The following RNLS variants were observed in gnomAD, a reference collection of about 807,000 sequenced individuals.
RNLS encodes renalase.
A neutral mutation model predicts 39.8 loss-of-function variants in RNLS; 39 were observed. That is an observed-to-expected ratio of 0.98 (90% CI 0.76 to 1.28). RNLS has a LOEUF of 1.28. Ranked by LOEUF, RNLS falls within the 50% of genes most tolerant of loss-of-function variation. RNLS has a pLI of 0.00. For synonymous variants in RNLS, 147 were observed against 150.7 expected, an observed-to-expected ratio of 0.98 and a Z score of 0.18; for missense variants, 410 against 413.3, an observed-to-expected ratio of 0.99 and a Z score of 0.07.
chr10:88,445,271 GA>G (rs1486499449), intron 4 of RNLS, among the ~76,000 whole-genome samples: 11 of 152,308 alleles, frequency 7.2e-5, no homozygotes, highest in African/African-American at 2.6e-4. Context: ...CAAATGCTGA[GA>G]GACTCTGTTA....
chr10:88,235,200 G>T, the RNLS span, among the ~76,000 whole-genome samples: 1 of 149,920 alleles, frequency 6.7e-6, no homozygotes, highest in South Asian at 2.1e-4. Flanking sequence ...CGCGGGAGGT[G>T]GAGCTTGCAG....
At chr10:88,330,753 A>G (rs1847056905) in intron 5 of RNLS, among the ~76,000 whole-genome samples, 1 of 152,270 alleles carries the variant, frequency 6.6e-6, no homozygotes, top group East Asian at 1.9e-4. Flanking sequence ...TAATTATGCA[A>G]CATCCTTTAC....
At chr10:88,557,679 G>C (rs889035079) in intron 4 of RNLS, among the ~76,000 whole-genome samples, 1 of 152,040 alleles carries the variant, frequency 6.6e-6, no homozygotes, top group Non-Finnish European at 1.5e-5. Flanking sequence ...AAAATTAGTA[G>C]TTGATTGTGG....
chr10:88,569,760 G>GC (rs1440731710), intron 4 of RNLS, among the ~76,000 whole-genome samples: 1 of 152,120 alleles, frequency 6.6e-6, no homozygotes, highest in Non-Finnish European at 1.5e-5. Context: ...CAACTGGCTA[G>GC]CCAGATGAAC....
chr10:88,211,159 T>A, the RNLS span, among the ~76,000 whole-genome samples: 1 of 152,164 alleles, frequency 6.6e-6, no homozygotes, highest in South Asian at 2.1e-4. Flanking sequence ...CATCGTCCCA[T>A]GTTTTGTCAC....
At chr10:88,244,963 G>C in the RNLS span, among the ~76,000 whole-genome samples, 2 of 152,168 alleles carry the variant, frequency 1.3e-5, no homozygotes, top group Non-Finnish European at 2.9e-5. Context: ...ATTTCAAGTT[G>C]AGTTGTGGTT....
In RNLS at chr10:88,510,588, A is replaced by C. The variant is rs11202760; in HGVS notation, c.526+62315T>G. 1.9e-4 allele frequency among the ~76,000 whole-genome samples: 29 copies of C among 152,202 alleles called. No individual in the cohort carries two copies. The East Asian group carries it at 3.3e-3, about 17-fold the overall frequency. ...GATAAGTAATAGTTAATATTTTATT[A>C]AGGGTTTACACTTTGGGAGGCCGAG... On this transcript the variant is annotated intron_variant, in intron 4 of 6. Coordinates refer to ENST00000331772, the MANE Select transcript of RNLS (RefSeq NM_001031709.3).
the RNLS span, among the ~76,000 whole-genome samples, chr10:88,179,390 A>C: frequency 6.6e-6 from 1 of 152,202 alleles, no homozygotes; most frequent in Admixed American, 6.5e-5. Context: ...AGCTTCTTGC[A>C]CTCTTGGTAA....
intron 4 of RNLS, among the ~76,000 whole-genome samples, chr10:88,383,924 T>C (rs953716562): frequency 1.3e-5 from 2 of 152,122 alleles, no homozygotes; most frequent in African/African-American, 4.8e-5. Context: ...AGCACTAACT[T>C]TGAACCCCAA....
intron 4 of RNLS, among the ~76,000 whole-genome samples, chr10:88,467,835 C>T (rs1056600010): frequency 2.0e-5 from 3 of 152,114 alleles, no homozygotes; most frequent in Admixed American, 6.6e-5. Flanking sequence ...ATCAGCAACA[C>T]GTGGAGGCTT....
At position 88,373,062 on chromosome 10, in the gene RNLS, A is replaced by C. The variant is rs1850691100; in HGVS notation, c.527-10337T>G. Among the ~76,000 whole-genome samples, 6 of 152,222 alleles carry C rather than the reference A, an allele frequency of 3.9e-5. No individual in the cohort carries two copies. The South Asian group carries it at 1.2e-3, about 31-fold the overall frequency. On this transcript the variant is annotated intron_variant, in intron 4 of 6. Coordinates refer to ENST00000331772, the MANE Select transcript of RNLS (RefSeq NM_001031709.3). ...GCCACTCTTCCCAGCCTATCCATCT[A>C]ATTACTTTATGGCCATGCCATTCAT... is the stretch of plus-strand genomic sequence containing the variant.
At chr10:88,397,601 GA>G (rs911092211) in intron 4 of RNLS, among the ~76,000 whole-genome samples, 6 of 149,922 alleles carry the variant, frequency 4.0e-5, no homozygotes, top group African/African-American at 9.8e-5. Flanking sequence ...GAAAGCAGAA[GA>G]AAAAAAATAA....
intron 5 of RNLS, among the ~76,000 whole-genome samples, chr10:88,324,761 T>C (rs190824877): frequency 7.1e-4 from 108 of 152,300 alleles, no homozygotes; most frequent in Admixed American, 1.4e-3. Context: ...AACTTTTTCA[T>C]CTTCCTAAAC....
At chr10:88,274,706 C>A in exon 7 of RNLS, 1 of 371,464 alleles carries the variant, frequency 2.7e-6, no homozygotes, top group Non-Finnish European at 5.1e-6. Flanking sequence ...GGATAGATAT[C>A]CAGATGTGGA....
At chr10:88,267,513 C>T in the RNLS span, among the ~76,000 whole-genome samples, 4 of 152,088 alleles carry the variant, frequency 2.6e-5, no homozygotes, top group Non-Finnish European at 4.4e-5. Flanking sequence ...GATTTCAAGG[C>T]GCAGTGAGCT....
At chr10:88,353,873 G>T (rs1309440536) in intron 5 of RNLS, among the ~76,000 whole-genome samples, 3 of 152,182 alleles carry the variant, frequency 2.0e-5, no homozygotes, top group Non-Finnish European at 4.4e-5. Flanking sequence ...CTAAGGACTT[G>T]CTTTATGAAT....
In RNLS at chr10:88,553,810, G is replaced by A. The variant is rs1590005342; in HGVS notation, c.526+19093C>T. ...CGCTAAAGAAACATATACCCACCTC[G>A]TCTAAAAACTAGAAAAACATCCAGA... On this transcript the variant is annotated intron_variant, in intron 4 of 6. Transcript: ENST00000331772. Among the ~76,000 whole-genome samples, 5 of 152,050 alleles carry A rather than the reference G, an allele frequency of 3.3e-5. No homozygotes were observed. In the East Asian group the frequency reaches 5.8e-4, roughly 18 times the overall value.
chr10:88,278,563 C>T (rs1456640675), intron 6 of RNLS, among the ~76,000 whole-genome samples: 1 of 152,140 alleles, frequency 6.6e-6, no homozygotes, highest in Non-Finnish European at 1.5e-5. Context: ...ATTGTTTGCA[C>T]AAGGACAGCA....
intron 4 of RNLS, among the ~76,000 whole-genome samples, chr10:88,420,275 A>G (rs1209898885): frequency 1.3e-5 from 2 of 152,174 alleles, no homozygotes; most frequent in African/African-American, 4.8e-5. Context: ...AGAGTGCCAT[A>G]TAAACTGTTA....
Sources: allele counts gnomAD v4.1 joint callset (sites outside exome capture counted in the v4.1 genomes callset), GRCh38; gene constraint gnomAD v4.1.1; transcripts MANE v1.5; gene names NCBI Gene and HGNC (gene_info 2026-07-23, HGNC 2026-07-21).